Variants in WDR27 observed in about 807,000 individuals in gnomAD.
The protein encoded by WDR27 is WD repeat-containing protein 27.
WDR27 carries 100 observed loss-of-function variants against 114.4 expected under a neutral mutation model. The ratio of observed to expected loss-of-function variants is 0.87; its 90% CI spans 0.74 to 1.03. The LOEUF (loss-of-function observed/expected upper bound fraction) is 1.03, where lower values mean the gene tolerates loss of function less well. Ranked by LOEUF, WDR27 falls within the 50% of genes least tolerant of loss-of-function variation. The probability of loss-of-function intolerance (pLI) is 0.00; values close to 1 mark genes in which losing one functional copy is unlikely to be tolerated. For synonymous variants in WDR27, 449 were observed against 423.1 expected (o/e 1.06, Z -0.75); for missense variants, 1,129 against 1,092.9 (o/e 1.03, Z -0.47).
intron 25 of WDR27, among the ~76,000 whole-genome samples, chr6:169,480,077 G>A (rs866870280): frequency 1.3e-4 from 20 of 152,294 alleles, no homozygotes; most frequent in Admixed American, 2.0e-4. Flanking sequence ...CATGGCGCTC[G>A]CGGGCCAGCG....
intron 23 of WDR27, among the ~76,000 whole-genome samples, chr6:169,583,510 TATAC>T (rs1562630761): frequency 3.3e-5 from 1 of 29,914 alleles, no homozygotes; most frequent in African/African-American, 8.9e-5. Context: ...TATATGTATA[TATAC>T]ACACACACAC....
At position 169,457,451 on chromosome 6, in the gene WDR27, C is replaced by T. The variant is rs936282873; in HGVS notation, c.*141G>A. The T allele has an allele frequency of 2.5e-5, 16 of 647,994 alleles. No individual in the cohort carries two copies. The Middle Eastern group carries it at 1.3e-3, about 53-fold the overall frequency. The allele number at this position is 647,994 out of a possible 1,614,324, so 40.1% of individuals were successfully genotyped here. A position where few individuals can be genotyped will look rare whatever the true frequency, so the allele number is the denominator to read the frequency against. ...CACACAGAGGGGAGGAGCTTGCAAA[C>T]GGGGGAAATCTGAGGCAAGTCTCAA... On this transcript the variant is annotated 3_prime_UTR_variant, in exon 26 of 26. Transcript: ENST00000448612.
chr6:169,682,288 G>C (rs781746694), intron 2 of WDR27, among the ~76,000 whole-genome samples: 2 of 152,100 alleles, frequency 1.3e-5, no homozygotes, highest in African/African-American at 4.8e-5. Context: ...AACTATCCAC[G>C]GACTCCCAAT....
chr6:169,662,613 C>T (rs529945111), intron 8 of WDR27, among the ~76,000 whole-genome samples, 189 bp from the exon 9 acceptor site: 88 of 148,814 alleles, frequency 5.9e-4, no homozygotes, highest in African/African-American at 1.8e-3. Flanking sequence ...ACTCGGATCA[C>T]GCGTCGAGGA....
intron 25 of WDR27, among the ~76,000 whole-genome samples, chr6:169,537,205 A>G (rs936380579): frequency 6.6e-6 from 1 of 152,182 alleles, no homozygotes; most frequent in Admixed American, 6.5e-5. Context: ...GACATTATAC[A>G]ATACAGGCAA....
At chr6:169,561,667 G>A (rs111723816) in intron 25 of WDR27, among the ~76,000 whole-genome samples, 1 of 151,834 alleles carries the variant, frequency 6.6e-6, no homozygotes, top group Non-Finnish European at 1.5e-5. Context: ...AGATCAGAAG[G>A]AGCAAATAGA....
intron 23 of WDR27, among the ~76,000 whole-genome samples, chr6:169,588,361 G>A (rs9478064): frequency 0.48 from 73,397 of 152,100 alleles, 21,506 homozygotes; most frequent in Non-Finnish European, 0.67. Context: ...TTTTATGATA[G>A]TCAAGGATAA....
intron 1 of WDR27, among the ~76,000 whole-genome samples, chr6:169,699,800 A>C (rs1460428733): frequency 1.3e-5 from 2 of 151,968 alleles, no homozygotes; most frequent in South Asian, 2.1e-4. Flanking sequence ...TGGGCAACAT[A>C]GTGAGACCCT....
intron 2 of WDR27, among the ~76,000 whole-genome samples, chr6:169,685,738 A>G (rs1240862487): frequency 6.6e-6 from 1 of 152,218 alleles, no homozygotes; most frequent in African/African-American, 2.4e-5. Flanking sequence ...TATTCATAAT[A>G]TGGGCATTCT....
chr6:169,644,801 A>C (rs1267696970), intron 16 of WDR27, among the ~76,000 whole-genome samples: 1 of 70,236 alleles, frequency 1.4e-5, no homozygotes, highest in Non-Finnish European at 2.6e-5. Flanking sequence ...CGAGGTCAGG[A>C]GATCGAGACC....
At chr6:169,579,640 GA>G (rs1378432453) in intron 24 of WDR27, among the ~76,000 whole-genome samples, 1 of 152,130 alleles carries the variant, frequency 6.6e-6, no homozygotes, top group East Asian at 1.9e-4. Flanking sequence ...CAAATGCATG[GA>G]AACAACCCAG....
intron 23 of WDR27, among the ~76,000 whole-genome samples, chr6:169,600,306 C>A (rs1009015806): frequency 6.6e-6 from 1 of 152,034 alleles, no homozygotes; most frequent in Admixed American, 6.6e-5. Flanking sequence ...CACCAAAACC[C>A]CATCTATACA....
At chr6:169,594,845 A>C (rs1371844854) in intron 23 of WDR27, among the ~76,000 whole-genome samples, 1 of 152,208 alleles carries the variant, frequency 6.6e-6, no homozygotes, top group African/African-American at 2.4e-5. Context: ...CCTCATCTGT[A>C]AAATCCAATC....
the WDR27 span, among the ~76,000 whole-genome samples, chr6:169,446,347 C>G: frequency 6.6e-5 from 10 of 152,010 alleles, no homozygotes; most frequent in Middle Eastern, 3.4e-3. Flanking sequence ...CACGGCAGGA[C>G]CAGGGTGCAG....
chr6:169,618,782 C>T (rs1169346613), intron 21 of WDR27, among the ~76,000 whole-genome samples: 1 of 152,074 alleles, frequency 6.6e-6, no homozygotes. Context: ...TGTATTTGGA[C>T]TTGTAGGATG....
At position 169,552,930 on chromosome 6, in the gene WDR27, C is replaced by T. The variant is rs147210472; in HGVS notation, c.2645+19489G>A. On this transcript the variant is annotated intron_variant, in intron 25 of 25. Transcript: ENST00000448612. ...TGTCATTTTAAAAGGCAGCTAAGCGCGGCTCGCACGCGCTCTGTGTGCTGT... is the reference window on the plus strand; with the variant it reads ...TGTCATTTTAAAAGGCAGCTAAGCGTGGCTCGCACGCGCTCTGTGTGCTGT... Among the ~76,000 whole-genome samples, 651 of 148,740 alleles carry T rather than the reference C, an allele frequency of 4.4e-3. 3 individuals carry two copies. Among genetic ancestry groups the T allele is most frequent in the African/African-American group, 0.015 (627 of 40,454 alleles).
At chr6:169,429,810 C>T in the WDR27 span, among the ~76,000 whole-genome samples, 1,895 of 152,208 alleles carry the variant, frequency 0.012, 46 homozygotes, top group African/African-American at 0.043. Flanking sequence ...CAGGTAACAC[C>T]GATGCTGCTG....
intron 2 of WDR27, among the ~76,000 whole-genome samples, chr6:169,673,752 T>C (rs1429970991): frequency 1.3e-5 from 2 of 152,120 alleles, no homozygotes; most frequent in Admixed American, 6.5e-5. Context: ...AGGGAAAAGA[T>C]TTCTGTCATA....
At position 169,649,298 on chromosome 6, in the gene WDR27, T is replaced by A. The variant is rs557073270; in HGVS notation, c.1482-23A>T. 4 of 1,539,776 alleles carry A rather than the reference T, an allele frequency of 2.6e-6. No individual in the cohort carries two copies. In the South Asian group the frequency reaches 4.8e-5, roughly 18 times the overall value. On this transcript the variant is annotated intron_variant, in intron 14 of 25. Coordinates refer to ENST00000448612, the MANE Select transcript of WDR27 (RefSeq NM_182552.5). Reference sequence around the variant, plus strand: ...ACACTGTGGAAAGAAAACTCTAATATCACTCTCAAATATTAAGAGGTCTAA... The same window carrying A: ...ACACTGTGGAAAGAAAACTCTAATAACACTCTCAAATATTAAGAGGTCTAA...
Sources: gnomAD v4.1 joint callset for allele counts (sites outside exome capture counted in the v4.1 genomes callset) on GRCh38, gnomAD v4.1.1 for gene constraint, MANE v1.5 for transcripts, NCBI Gene and HGNC (gene_info 2026-07-23, HGNC 2026-07-21) for gene names.